The following NUGGC variants were observed in gnomAD, a reference collection of about 807,000 sequenced individuals.
NUGGC encodes the protein nuclear GTPase SLIP-GC.
In NUGGC, 58 loss-of-function variants were observed where a neutral mutation model predicts 92.6. That is an observed-to-expected ratio of 0.63 (90% CI 0.51 to 0.78). NUGGC has a LOEUF of 0.78. Among genes scored for constraint, NUGGC ranks in the 30% least tolerant of loss-of-function variants. NUGGC has a pLI of 0.00. For synonymous variants in NUGGC, 376 were observed against 366.4 expected, an observed-to-expected ratio of 1.03 and a Z score of -0.30; for missense variants, 925 against 964.6, an observed-to-expected ratio of 0.96 and a Z score of 0.54.
rs144115772 is a variant in NUGGC at position 28,071,385 on chromosome 8, T to C, written c.44-1029A>G. 2.8e-4 allele frequency among the ~76,000 whole-genome samples: 42 copies of C among 152,256 alleles called. No individual in the cohort carries two copies. The East Asian group carries it at 5.8e-3, about 21-fold the overall frequency. Reference sequence around the variant, plus strand: ...GTGACCAGAAAAAATCACATCTTCTTGAGCCTCAATTTATTCATCTGGAAA... The same window carrying C: ...GTGACCAGAAAAAATCACATCTTCTCGAGCCTCAATTTATTCATCTGGAAA... On this transcript the variant is annotated intron_variant, in intron 2 of 18. Transcript: ENST00000413272.
At chr8:28,059,776 C>A (rs1295342824) in intron 8 of NUGGC, among the ~76,000 whole-genome samples, 2 of 152,152 alleles carry the variant, frequency 1.3e-5, no homozygotes, top group Non-Finnish European at 2.9e-5. Context: ...AATCCCAGCA[C>A]TTTGGGAGGC....
At chr8:28,062,114 A>T (rs532203519) in intron 7 of NUGGC, among the ~76,000 whole-genome samples, 2 of 152,310 alleles carry the variant, frequency 1.3e-5, no homozygotes, top group East Asian at 3.9e-4. Context: ...GGCTCCATAC[A>T]TCACTGCTTA....
intron 8 of NUGGC, among the ~76,000 whole-genome samples, chr8:28,059,830 C>CG (rs1345529978): frequency 6.6e-6 from 1 of 151,980 alleles, no homozygotes; most frequent in East Asian, 1.9e-4. Flanking sequence ...AAGACCACCC[C>CG]GGCCAACATG....
At chr8:28,048,713 A>C (rs1809907559) in intron 10 of NUGGC, among the ~76,000 whole-genome samples, 1 of 152,164 alleles carries the variant, frequency 6.6e-6, no homozygotes, top group African/African-American at 2.4e-5. Flanking sequence ...AAATACAAAA[A>C]TTAGCCAGGC....
At chr8:28,058,234 TA>T (rs769928850) in intron 9 of NUGGC, 23 bp downstream of exon 9, 52 of 438,826 alleles carry the variant, frequency 1.2e-4, no homozygotes, top group East Asian at 4.1e-4. Flanking sequence ...AAAATAAAAA[TA>T]AAAAAAACTA....
chr8:28,075,068 T>C (rs1475861613), intron 1 of NUGGC, among the ~76,000 whole-genome samples: 1 of 152,192 alleles, frequency 6.6e-6, no homozygotes, highest in African/African-American at 2.4e-5. Flanking sequence ...TTGGGTGGCA[T>C]CAGTGCTCCA....
rs76434970 is a variant in NUGGC, at chr8:28,070,593, A to T, written c.44-237T>A. On this transcript the variant is annotated intron_variant, in intron 2 of 18. Transcript: ENST00000413272. ...CAGCAAGACCCTTGTCTCAAAAAAA[A>T]ATTTTTTTTTTTGGTAGAGACAGGG... Among the ~76,000 whole-genome samples the T allele has an allele frequency of 5.4e-4, 82 of 151,184 alleles. 2 individuals are homozygous for T. In the East Asian group the frequency reaches 0.014, roughly 26 times the overall value.
intron 7 of NUGGC, 30 bp downstream of exon 7, chr8:28,064,492 G>C: frequency 6.3e-7 from 1 of 1,580,964 alleles, no homozygotes; most frequent in Non-Finnish European, 8.7e-7. Context: ...GTTTAGGGAA[G>C]AGAGAACTAA....
chr8:28,071,462 T>C (rs546192991), intron 2 of NUGGC, among the ~76,000 whole-genome samples: 1 of 152,354 alleles, frequency 6.6e-6, no homozygotes, highest in East Asian at 1.9e-4. Context: ...TTTGGATGGA[T>C]GCCCTTCAGA....
chr8:28,031,182 C>T, intron 15 of NUGGC, 61 bp downstream of exon 15: 1 of 1,593,214 alleles, frequency 6.3e-7, no homozygotes, highest in Non-Finnish European at 8.6e-7. Context: ...ACCTACAAAA[C>T]TGGCCTGGGA....
intron 16 of NUGGC, 92 bp downstream of exon 16, chr8:28,030,218 C>A: frequency 1.4e-6 from 1 of 721,652 alleles, no homozygotes; most frequent in Non-Finnish European, 2.5e-6. Flanking sequence ...TGCAAGAGAA[C>A]AGGGCCTTTG....
Position 28,047,492 on chromosome 8 carries a change from A to G in NUGGC, c.1312+15T>C. ...TGAGAATTTTAGTGATGGAGATTTA[A>G]AAAACATAAATTACCCGTTTCCTCC... is the stretch of plus-strand genomic sequence containing the variant. On this transcript the variant is annotated intron_variant, in intron 11 of 18. Coordinates refer to ENST00000413272, the MANE Select transcript of NUGGC (RefSeq NM_001010906.2). The G allele has an allele frequency of 6.7e-7, 1 of 1,484,054 alleles. No individual in the cohort carries two copies. Among genetic ancestry groups the G allele is most frequent in the South Asian group, 1.2e-5 (1 of 80,350 alleles). The allele number at this position is 1,484,054 out of a possible 1,614,324, so 91.9% of individuals were successfully genotyped here.
intron 10 of NUGGC, among the ~76,000 whole-genome samples, chr8:28,052,184 G>A (rs1810024015): frequency 1.3e-5 from 2 of 152,294 alleles, no homozygotes; most frequent in Admixed American, 1.3e-4. Context: ...AACTTCAGCT[G>A]ATATGTGACT....
In NUGGC at chr8:28,023,414, C is replaced by T. The variant is rs1307701460; in HGVS notation, c.2294G>A (p.Arg765Lys). The change falls in exon 19 of 19, where the codon AGG (arginine) becomes AAG (lysine). Residue 765 changes from arginine (R) to lysine (K), a missense_variant. Physicochemically the swap from Arg to Lys is conservative, Grantham distance 26 (BLOSUM62 2). Transcript: ENST00000413272. ...KEMEKLHRSL[R>K]EVAENARLRK... Reference sequence around the variant, plus strand: ...CAGCCGTGCATTCTCCGCGACCTCCCTCAGGCTTCTGTGCAGCTTCTCCAT... The same window carrying T: ...CAGCCGTGCATTCTCCGCGACCTCCTTCAGGCTTCTGTGCAGCTTCTCCAT... 6.2e-7 allele frequency: 1 copy of T among 1,613,976 alleles called. No individual in the cohort carries two copies. The highest frequency in any genetic ancestry group is 2.2e-5 in the East Asian group (1 of 44,884).
intron 13 of NUGGC, among the ~76,000 whole-genome samples, chr8:28,036,959 G>A (rs1458845913): frequency 1.3e-5 from 2 of 152,208 alleles, no homozygotes; most frequent in Non-Finnish European, 2.9e-5. Flanking sequence ...AGGTGCATTA[G>A]AGGATCACCC....
chr8:28,040,168 GT>G (rs1809656083), intron 13 of NUGGC, among the ~76,000 whole-genome samples: 1 of 152,172 alleles, frequency 6.6e-6, no homozygotes, highest in Admixed American at 6.5e-5. Flanking sequence ...ATAGGATTTT[GT>G]TATGGCAGCC....
intron 8 of NUGGC, 84 bp downstream of exon 8, chr8:28,060,342 G>T: frequency 7.4e-7 from 1 of 1,345,052 alleles, no homozygotes; most frequent in Non-Finnish European, 1.1e-6. Context: ...ACGTTACAAA[G>T]TCAAGCTCCA....
chr8:28,047,687 G>C (rs1045139651), intron 10 of NUGGC, 75 bp from the exon 11 acceptor site: 95 of 869,714 alleles, frequency 1.1e-4, no homozygotes, highest in Non-Finnish European at 2.4e-5. Flanking sequence ...GGACCCACAA[G>C]AGCCTTCAGC....
At chr8:28,060,860 C>T (rs1810286317) in intron 7 of NUGGC, among the ~76,000 whole-genome samples, 1 of 152,196 alleles carries the variant, frequency 6.6e-6, no homozygotes, top group East Asian at 1.9e-4. Flanking sequence ...ATTGGGCTGG[C>T]CTCTGCATCC....
Sources: allele counts gnomAD v4.1 joint callset (sites outside exome capture counted in the v4.1 genomes callset), GRCh38; gene constraint gnomAD v4.1.1; transcripts MANE v1.5; gene names NCBI Gene and HGNC (gene_info 2026-07-23, HGNC 2026-07-21).